The following TMEM44 variants were observed in gnomAD, a reference collection of about 807,000 sequenced individuals.
The protein encoded by TMEM44 is transmembrane protein 44.
In TMEM44, 43 loss-of-function variants were observed where a neutral mutation model predicts 47.8. The observed-to-expected ratio is 0.90, with a 90% CI of 0.70 to 1.16. The LOEUF (loss-of-function observed/expected upper bound fraction) is 1.16, where lower values mean the gene tolerates loss of function less well. TMEM44 is among the 50% of genes most tolerant of loss of function. TMEM44 has a pLI of 0.00. For synonymous variants in TMEM44, 277 were observed against 238.8 expected (o/e 1.16, Z -1.48); for missense variants, 568 against 555.2 (o/e 1.02, Z -0.23).
chr3:194,629,709 G>A (rs1191172951), intron 1 of TMEM44, among the ~76,000 whole-genome samples: 3 of 142,296 alleles, frequency 2.1e-5, no homozygotes, highest in Non-Finnish European at 4.5e-5. Flanking sequence ...GAAATAATAC[G>A]CTGTCGTACC....
At chr3:194,624,817 A>G (rs1338914669) in intron 3 of TMEM44, among the ~76,000 whole-genome samples, 1 of 151,712 alleles carries the variant, frequency 6.6e-6, no homozygotes, top group Non-Finnish European at 1.5e-5. Flanking sequence ...GGGTTTAAGC[A>G]ATTCTCCTGC....
chr3:194,618,493 GA>G (rs1560187805), intron 5 of TMEM44, among the ~76,000 whole-genome samples: 3 of 147,900 alleles, frequency 2.0e-5, no homozygotes, highest in African/African-American at 7.4e-5. Flanking sequence ...TTCATTAGAT[GA>G]GTTCATATAT....
intron 5 of TMEM44, among the ~76,000 whole-genome samples, chr3:194,618,862 G>C (rs1323362483): frequency 6.6e-6 from 1 of 152,184 alleles, no homozygotes. Context: ...TGTCTGGCCT[G>C]CGCCCTGAAG....
chr3:194,608,593 T>C (rs1323022542), intron 8 of TMEM44, among the ~76,000 whole-genome samples: 2 of 152,206 alleles, frequency 1.3e-5, no homozygotes, highest in Admixed American at 1.3e-4. Context: ...GGAAGAGCTC[T>C]GGAGAAGCAG....
chr3:194,617,199 T>C lies in TMEM44; in HGVS notation c.683A>G (p.Tyr228Cys). 1 of 1,552,852 alleles carries C rather than the reference T, an allele frequency of 6.4e-7. No homozygotes were observed. The highest frequency in any genetic ancestry group is 8.7e-7 in the Non-Finnish European group (1 of 1,148,450). ...RLLSALAGLL[Y>C]ASAIVAHDQH... ...GTCGTGGGCCACAATGGCCGAGGCA[T>C]AGAGGAGGCCAGCCAGGGCCGACAG... Residue 228 changes from tyrosine (Y) to cysteine (C), a missense_variant, in exon 6 of 10, where the codon TAT becomes TGT. Physicochemically the swap from Tyr to Cys is radical, Grantham distance 194. Coordinates refer to ENST00000347147, the MANE Select transcript of TMEM44 (RefSeq NM_001011655.3).
chr3:194,614,157 C>A (rs571530816), intron 7 of TMEM44, among the ~76,000 whole-genome samples: 113 of 152,036 alleles, frequency 7.4e-4, no homozygotes, highest in Middle Eastern at 3.4e-3. Flanking sequence ...AAACAAAAAA[C>A]CAAAAAAACC....
At chr3:194,625,244 C>A (rs991394259) in intron 3 of TMEM44, among the ~76,000 whole-genome samples, 2 of 152,172 alleles carry the variant, frequency 1.3e-5, no homozygotes, top group African/African-American at 4.8e-5. Context: ...CATGCCCATG[C>A]CCTGCTCCAC....
intron 9 of TMEM44, among the ~76,000 whole-genome samples, chr3:194,604,082 G>A (rs1467971990): frequency 6.6e-6 from 1 of 152,152 alleles, no homozygotes; most frequent in Non-Finnish European, 1.5e-5. Context: ...TCAAACTCCT[G>A]ACCTCAGGTG....
chr3:194,618,156 T>G (rs965810036), intron 5 of TMEM44, among the ~76,000 whole-genome samples: 32 of 152,248 alleles, frequency 2.1e-4, no homozygotes, highest in East Asian at 5.8e-4. Flanking sequence ...GCCCGGCCCT[T>G]CTCTCCCTGG....
Position 194,617,142 on chromosome 3 carries a change from G to A in TMEM44, c.740C>T (p.Pro247Leu). ...QHPEYLLRAT[P>L]WFLTSLGRAA... Reference sequence around the variant, plus strand: ...ACGGCCGAGGGAGGTCAGGAACCAGGGTGTGGCCCGCAGCAGGTACTCAGG... The same window carrying A: ...ACGGCCGAGGGAGGTCAGGAACCAGAGTGTGGCCCGCAGCAGGTACTCAGG... Residue 247 changes from proline (P) to leucine (L), a missense_variant, in exon 6 of 10, where the codon CCC (proline) becomes CTC (leucine). Physicochemically the swap from Pro to Leu is moderately conservative, Grantham distance 98 (BLOSUM62 -3). Coordinates refer to ENST00000347147, the MANE Select transcript of TMEM44 (RefSeq NM_001011655.3). 6.4e-7 allele frequency: 1 copy of A among 1,559,312 alleles called. No individual in the cohort carries two copies. The highest frequency in any genetic ancestry group is 8.7e-7 in the Non-Finnish European group (1 of 1,152,428).
Position 194,597,647 on chromosome 3 carries a change from C to A in TMEM44, c.1176+6640G>T, listed in dbSNP as rs182713747. On this transcript the variant is annotated intron_variant, in intron 9 of 9. Transcript: ENST00000347147. ...TGCACTTAAACCTGGGTGACTCTGT[C>A]TCAAAAAAAAAAAAAAAAGAAAAAA... Among the ~76,000 whole-genome samples the A allele has an allele frequency of 6.9e-4, 95 of 138,302 alleles. 1 individual carries two copies. Among genetic ancestry groups the A allele is most frequent in the Admixed American group, 6.9e-3 (95 of 13,832 alleles). The allele number at this position is 138,302 out of a possible 152,430, so 90.7% of individuals were successfully genotyped here. A position where few individuals can be genotyped will look rare whatever the true frequency, so the allele number is the denominator to read the frequency against.
chr3:194,608,753 G>A (rs711981), intron 8 of TMEM44, among the ~76,000 whole-genome samples: 128,242 of 152,118 alleles, frequency 0.84, 54,638 homozygotes, highest in South Asian at 0.92. Context: ...ATGTGGTCCA[G>A]GCTGGTCTCG....
At chr3:194,613,889 G>A (rs1477823382) in intron 7 of TMEM44, among the ~76,000 whole-genome samples, 8 of 151,838 alleles carry the variant, frequency 5.3e-5, no homozygotes, top group Non-Finnish European at 8.8e-5. Flanking sequence ...TTGGGAAGCC[G>A]AGGTGGGCGG....
chr3:194,615,480 C>T (rs774314511), intron 7 of TMEM44, 89 bp downstream of exon 7: 42 of 1,521,468 alleles, frequency 2.8e-5, no homozygotes, highest in Admixed American at 8.1e-5. Flanking sequence ...AGCTTTCACA[C>T]GTCCGTCCGC....
intron 2 of TMEM44, among the ~76,000 whole-genome samples, chr3:194,626,550 G>A (rs1237468734): frequency 6.6e-6 from 1 of 152,146 alleles, no homozygotes; most frequent in Non-Finnish European, 1.5e-5. Context: ...TACTAGATGG[G>A]TGACCCTTAA....
intron 9 of TMEM44, among the ~76,000 whole-genome samples, chr3:194,593,447 C>T (rs1159365563): frequency 6.6e-6 from 1 of 152,092 alleles, no homozygotes; most frequent in African/African-American, 2.4e-5. Context: ...AACTCAAACC[C>T]ATAAAACTGA....
chr3:194,590,741 G>A (rs1440529120), intron 9 of TMEM44, among the ~76,000 whole-genome samples: 1 of 152,124 alleles, frequency 6.6e-6, no homozygotes, highest in African/African-American at 2.4e-5. Context: ...CCTAAGGTTT[G>A]GCATTTTTAC....
intron 7 of TMEM44, 88 bp downstream of exon 7, chr3:194,615,481 G>A (rs1036995918): frequency 2.2e-5 from 33 of 1,522,590 alleles, no homozygotes; most frequent in South Asian, 2.5e-5. Context: ...GCTTTCACAC[G>A]TCCGTCCGCA....
intron 6 of TMEM44, chr3:194,616,678 A>G (rs117148618): frequency 4.6e-6 from 2 of 432,098 alleles, no homozygotes; most frequent in Admixed American, 5.5e-5. Context: ...CCAACACGCC[A>G]CAGCCATTAA....
Sources: allele counts gnomAD v4.1 joint callset (sites outside exome capture counted in the v4.1 genomes callset), GRCh38; gene constraint gnomAD v4.1.1; transcripts MANE v1.5; gene names NCBI Gene and HGNC (gene_info 2026-07-23, HGNC 2026-07-21).